SAMD5: variants seen among roughly 807,000 people sequenced by gnomAD.
The protein encoded by SAMD5 is sterile alpha motif domain containing 5.
In SAMD5, 13 loss-of-function variants were observed where a neutral mutation model predicts 11.3. The observed-to-expected ratio is 1.15, with a 90% CI of 0.75 to 1.83. The LOEUF (loss-of-function observed/expected upper bound fraction) is 1.83. Among genes scored for constraint, SAMD5 ranks in the 40% most tolerant of loss-of-function variants. SAMD5 has a pLI of 0.00. For missense variants in SAMD5, 255 were observed against 239.1 expected, an observed-to-expected ratio of 1.07 and a Z score of -0.44; for synonymous variants, 129 against 111.3, an observed-to-expected ratio of 1.16 and a Z score of -1.00.
intron 1 of SAMD5, among the ~76,000 whole-genome samples, chr6:147,610,963 G>A (rs1045578106): frequency 6.7e-6 from 1 of 149,688 alleles, no homozygotes; most frequent in Non-Finnish European, 1.5e-5. Flanking sequence ...TCCGCCTCCC[G>A]AGTTCAAGCT....
chr6:147,903,953 A>G, the SAMD5 span, among the ~76,000 whole-genome samples: 1 of 152,190 alleles, frequency 6.6e-6, no homozygotes, highest in East Asian at 1.9e-4. Context: ...ATATTCTAAC[A>G]GGCATTGTGA....
intron 1 of SAMD5, among the ~76,000 whole-genome samples, chr6:147,668,772 A>C (rs1033031778): frequency 6.6e-6 from 1 of 152,106 alleles, no homozygotes; most frequent in Non-Finnish European, 1.5e-5. Flanking sequence ...TGAACCTGGG[A>C]AGTGGAGGTT....
At chr6:147,649,708 C>G in intron 1 of SAMD5, among the ~76,000 whole-genome samples, 1 of 151,668 alleles carries the variant, frequency 6.6e-6, no homozygotes. Flanking sequence ...AGAGAATCGC[C>G]TGAACCCAGG....
intron 1 of SAMD5, among the ~76,000 whole-genome samples, chr6:147,615,739 C>T (rs1394971041): frequency 6.6e-6 from 1 of 152,162 alleles, no homozygotes; most frequent in Non-Finnish European, 1.5e-5. Flanking sequence ...TCGGTATAAA[C>T]ATATCTTCCT....
At chr6:147,592,501 A>G (rs1354475503) in intron 1 of SAMD5, among the ~76,000 whole-genome samples, 2 of 152,032 alleles carry the variant, frequency 1.3e-5, no homozygotes, top group African/African-American at 4.8e-5. Flanking sequence ...AACACAAGAA[A>G]TTGGCTCCTG....
At chr6:147,644,510 G>A (rs1270199421) in intron 1 of SAMD5, among the ~76,000 whole-genome samples, 1 of 152,014 alleles carries the variant, frequency 6.6e-6, no homozygotes, top group Non-Finnish European at 1.5e-5. Context: ...TAATACTTTT[G>A]CAGGAATAAA....
the SAMD5 span, among the ~76,000 whole-genome samples, chr6:147,873,212 A>G: frequency 6.6e-6 from 1 of 152,042 alleles, no homozygotes; most frequent in Admixed American, 6.6e-5. Flanking sequence ...CCCTGTCTCT[A>G]CTAAAAATAC....
chr6:147,588,546 A>G (rs1789408004), intron 1 of SAMD5, among the ~76,000 whole-genome samples: 1 of 151,914 alleles, frequency 6.6e-6, no homozygotes, highest in African/African-American at 2.4e-5. Context: ...GGCTGGTCTC[A>G]AACTCTTGGC....
the SAMD5 span, among the ~76,000 whole-genome samples, chr6:147,878,918 C>T: frequency 1.3e-5 from 2 of 151,960 alleles, no homozygotes; most frequent in African/African-American, 4.8e-5. Context: ...CCATGACCAG[C>T]TAATTTTTTG....
chr6:147,787,352 C>T, the SAMD5 span, among the ~76,000 whole-genome samples: 15 of 152,132 alleles, frequency 9.9e-5, no homozygotes, highest in East Asian at 5.8e-4. Flanking sequence ...GCGGTAGTCA[C>T]GGAGAGTTTT....
At chr6:147,540,933 GTTTT>G (rs1187718649) in intron 1 of SAMD5, among the ~76,000 whole-genome samples, 11 of 64,180 alleles carry the variant, frequency 1.7e-4, no homozygotes, top group African/African-American at 4.8e-4. Flanking sequence ...CAAGCCACGC[GTTTT>G]TTTTTTTTTT....
the SAMD5 span, among the ~76,000 whole-genome samples, chr6:147,840,453 AAACAGGTGT>A: frequency 6.6e-6 from 1 of 152,236 alleles, no homozygotes; most frequent in Admixed American, 6.5e-5. Flanking sequence ...TATCTGTGAG[AAACAGGTGT>A]ATTCCTGGCA....
At chr6:147,598,921 A>G (rs1323431555) in intron 1 of SAMD5, among the ~76,000 whole-genome samples, 4 of 152,172 alleles carry the variant, frequency 2.6e-5, no homozygotes, top group Non-Finnish European at 5.9e-5. Flanking sequence ...TTAAAAAGAC[A>G]AAGGCTGAGG....
At chr6:147,641,723 A>G (rs1583119768) in intron 1 of SAMD5, among the ~76,000 whole-genome samples, 1 of 152,308 alleles carries the variant, frequency 6.6e-6, no homozygotes, top group East Asian at 1.9e-4. Flanking sequence ...AGCGGTCTCA[A>G]AACTCCGCTG....
chr6:147,569,296 T>A lies in SAMD5; in HGVS notation c.*4840T>A, dbSNP rs774155953. The A allele has an allele frequency of 1.0e-4, 44 of 437,006 alleles. No individual in the cohort carries two copies. The highest frequency in any genetic ancestry group is 1.6e-4 in the East Asian group (1 of 6,436). 27.1% of individuals were successfully genotyped at this position (437,006 alleles called of 1,614,324 possible). On this transcript the variant is annotated 3_prime_UTR_variant, in exon 2 of 2. Transcript: ENST00000367474. ...TCTACTTATGAAATAGATAATTTTT[T>A]AAAATTGTTTAAACTCCTGGAAATT...
chr6:147,509,351 C>A lies in SAMD5; in HGVS notation c.423C>A (p.Asp141Glu), dbSNP rs150468887. ...TGATCAGGGATAAGCTCGTCCGTGA[C>A]GGCATCCACCTGAGCAAGCCCCCGT... ...KIMIRDKLVR[D>E]GIHLSKPPYS... Residue 141 changes from aspartate (D) to glutamate (E), a missense_variant, in exon 1 of 2, where the codon GAC becomes GAA. By Grantham distance (45) the Asp-to-Glu change is conservative (BLOSUM62 2). Coordinates refer to ENST00000367474, the MANE Select transcript of SAMD5 (RefSeq NM_001030060.3). 6.3e-7 allele frequency: 1 copy of A among 1,576,600 alleles called. No individual in the cohort carries two copies. The highest frequency in any genetic ancestry group is 8.6e-7 in the Non-Finnish European group (1 of 1,163,130).
At chr6:147,787,122 C>T in the SAMD5 span, among the ~76,000 whole-genome samples, 1 of 152,196 alleles carries the variant, frequency 6.6e-6, no homozygotes, top group Middle Eastern at 3.4e-3. Context: ...ATTTGTATGT[C>T]CATAAAAAGG....
intron 1 of SAMD5, among the ~76,000 whole-genome samples, chr6:147,541,196 A>T (rs902232979): frequency 7.2e-5 from 11 of 151,976 alleles, no homozygotes; most frequent in Admixed American, 2.6e-4. Flanking sequence ...GTGATCCGCC[A>T]GCCTCAGTCC....
chr6:147,616,219 A>G (rs1315190799), intron 1 of SAMD5, among the ~76,000 whole-genome samples: 1 of 135,754 alleles, frequency 7.4e-6, no homozygotes, highest in African/African-American at 3.3e-5. Context: ...TATACTTCAT[A>G]TATATTTATT....
Sources: allele counts gnomAD v4.1 joint callset (sites outside exome capture counted in the v4.1 genomes callset), GRCh38; gene constraint gnomAD v4.1.1; transcripts MANE v1.5; gene names NCBI Gene and HGNC (gene_info 2026-07-23, HGNC 2026-07-21).